The following LINGO2 variants were observed in gnomAD, a reference collection of about 807,000 sequenced individuals.
LINGO2 encodes leucine rich repeat and Ig domain containing 2.
LINGO2 carries 14 observed loss-of-function variants against 30.6 expected under a neutral mutation model. The ratio of observed to expected loss-of-function variants is 0.46; its 90% CI spans 0.30 to 0.72. The LOEUF (loss-of-function observed/expected upper bound fraction) is 0.72. Among genes scored for constraint, LINGO2 ranks in the 30% least tolerant of loss-of-function variants. LINGO2 has a pLI of 0.07. For synonymous variants in LINGO2, 317 were observed against 288.5 expected, an observed-to-expected ratio of 1.10 and a Z score of -1.00; for missense variants, 729 against 751.7, an observed-to-expected ratio of 0.97 and a Z score of 0.35.
At chr9:28,669,865 T>G (rs888124070) in intron 1 of LINGO2, among the ~76,000 whole-genome samples, 2 of 152,050 alleles carry the variant, frequency 1.3e-5, no homozygotes, top group African/African-American at 4.8e-5. Context: ...CAAATGTATA[T>G]TAGAACATGC....
intron 3 of LINGO2, among the ~76,000 whole-genome samples, chr9:28,296,192 G>A (rs1017556202): frequency 2.6e-5 from 4 of 152,154 alleles, no homozygotes; most frequent in Admixed American, 2.0e-4. Flanking sequence ...GAAAACCTAT[G>A]TATAATCAGT....
intron 5 of LINGO2, among the ~76,000 whole-genome samples, chr9:28,009,899 T>C (rs1229994508): frequency 2.6e-5 from 4 of 152,196 alleles, no homozygotes; most frequent in Non-Finnish European, 4.4e-5. Context: ...ACAATAAATA[T>C]CTATACAAAA....
At chr9:27,987,972 AGGTGTATCTCCT>A (rs1285890121) in intron 5 of LINGO2, among the ~76,000 whole-genome samples, 1 of 152,010 alleles carries the variant, frequency 6.6e-6, no homozygotes, top group African/African-American at 2.4e-5. Context: ...CATTTATATT[AGGTGTATCTCCT>A]AATGCTATCC....
intron 4 of LINGO2, among the ~76,000 whole-genome samples, chr9:28,111,684 T>C (rs1826796185): frequency 6.6e-6 from 1 of 152,148 alleles, no homozygotes; most frequent in African/African-American, 2.4e-5. Flanking sequence ...AAGATAATTG[T>C]AGTACAATAA....
chr9:28,609,209 T>C (rs1825811999), intron 1 of LINGO2, among the ~76,000 whole-genome samples: 1 of 149,822 alleles, frequency 6.7e-6, no homozygotes, highest in South Asian at 2.1e-4. Flanking sequence ...AGTAAAACAA[T>C]GTTTATTTTA....
intron 1 of LINGO2, among the ~76,000 whole-genome samples, chr9:28,514,935 TA>T (rs57950564): frequency 2.1e-4 from 31 of 148,248 alleles, no homozygotes; most frequent in African/African-American, 2.0e-4. Context: ...ATGCTCTATT[TA>T]AAAAAAAAAA....
At chr9:28,473,666 G>C (rs556472697) in intron 2 of LINGO2, among the ~76,000 whole-genome samples, 1 of 152,068 alleles carries the variant, frequency 6.6e-6, no homozygotes, top group East Asian at 1.9e-4. Flanking sequence ...GATTTTCTGA[G>C]TGATACAAAT....
chr9:28,569,669 T>G (rs773749375), intron 1 of LINGO2, among the ~76,000 whole-genome samples: 7 of 151,838 alleles, frequency 4.6e-5, no homozygotes, highest in Non-Finnish European at 8.8e-5. Context: ...GTACAAACTT[T>G]CAGTTACGAA....
At chr9:28,633,499 A>T (rs76088310) in intron 1 of LINGO2, among the ~76,000 whole-genome samples, 2,919 of 152,330 alleles carry the variant, frequency 0.019, 65 homozygotes, top group African/African-American at 0.039. Flanking sequence ...ATTAATAATT[A>T]AAGAAATTAG....
chr9:28,201,928 G>A (rs1422437400), intron 4 of LINGO2, among the ~76,000 whole-genome samples: 1 of 152,070 alleles, frequency 6.6e-6, no homozygotes, highest in East Asian at 1.9e-4. Context: ...TCTTTCTCAT[G>A]AAGTTCAAAA....
intron 5 of LINGO2, among the ~76,000 whole-genome samples, chr9:28,009,218 TC>T (rs764266172): frequency 4.6e-5 from 7 of 151,534 alleles, no homozygotes; most frequent in Non-Finnish European, 8.8e-5. Context: ...ACCCCTAACT[TC>T]ATATGATACA....
intron 3 of LINGO2, among the ~76,000 whole-genome samples, chr9:28,324,788 A>G (rs981620903): frequency 2.6e-5 from 4 of 152,160 alleles, no homozygotes; most frequent in Non-Finnish European, 5.9e-5. Context: ...TTAACATATA[A>G]TCAAGAAGTA....
chr9:28,406,664 G>T (rs190901450), intron 2 of LINGO2, among the ~76,000 whole-genome samples: 40 of 152,168 alleles, frequency 2.6e-4, no homozygotes, highest in Non-Finnish European at 5.0e-4. Context: ...CAGAAAATTT[G>T]CTTTGACATT....
At chr9:28,084,912 G>C (rs1825868319) in intron 4 of LINGO2, among the ~76,000 whole-genome samples, 3 of 152,134 alleles carry the variant, frequency 2.0e-5, no homozygotes, top group Non-Finnish European at 4.4e-5. Context: ...GAAAGTATGA[G>C]AAGATCTTTT....
At chr9:28,203,927 A>T (rs990425440) in intron 4 of LINGO2, among the ~76,000 whole-genome samples, 2 of 151,968 alleles carry the variant, frequency 1.3e-5, no homozygotes, top group African/African-American at 4.8e-5. Flanking sequence ...TACAGCAAAA[A>T]TTTTTTCCGG....
Position 28,129,423 on chromosome 9 carries a change from G to T in LINGO2, c.-86-117018C>A, listed in dbSNP as rs1461364652. ...CTCATTTTTCTAGCATGGCATTTGG[G>T]TACTCTTCACCCAAAAAGAGATTCC... On this transcript the variant is annotated intron_variant, in intron 4 of 5. Coordinates refer to ENST00000379992, the Ensembl canonical transcript of LINGO2. This position sits in a 1 kb window ranked among gnomAD's most constrained non-coding sequence, Gnocchi z 4.0. 6.6e-6 allele frequency among the ~76,000 whole-genome samples: 1 copy of T among 152,034 alleles called. No homozygotes were observed. Among genetic ancestry groups the T allele is most frequent in the Non-Finnish European group, 1.5e-5 (1 of 68,018 alleles).
the LINGO2 span, among the ~76,000 whole-genome samples, chr9:28,996,509 C>T: frequency 6.6e-6 from 1 of 152,088 alleles, no homozygotes; most frequent in Non-Finnish European, 1.5e-5. Flanking sequence ...CTTTTGCAGG[C>T]TAGAACTCAA....
At chr9:28,742,824 T>C in the LINGO2 span, among the ~76,000 whole-genome samples, 1 of 134,922 alleles carries the variant, frequency 7.4e-6, no homozygotes, top group Admixed American at 8.0e-5. Context: ...TCAAACACAG[T>C]TGTATTTCCT....
the LINGO2 span, among the ~76,000 whole-genome samples, chr9:29,111,134 T>A: frequency 6.6e-6 from 1 of 152,188 alleles, no homozygotes; most frequent in African/African-American, 2.4e-5. Flanking sequence ...GATCCTTTTT[T>A]AAAAAATCAC....
Sources: allele counts gnomAD v4.1 joint callset (sites outside exome capture counted in the v4.1 genomes callset), GRCh38; gene constraint gnomAD v4.1.1; non-coding constraint Gnocchi (gnomAD v3.1); transcripts MANE v1.5; gene names NCBI Gene and HGNC (gene_info 2026-07-23, HGNC 2026-07-21).